Variants in REV1 observed in about 807,000 individuals in gnomAD.
The protein encoded by REV1 is REV1 DNA directed polymerase, also known as translesion synthesis protein REV1.
REV1 carries 42 observed loss-of-function variants against 137.4 expected under a neutral mutation model. That is an observed-to-expected ratio of 0.31 (90% CI 0.24 to 0.40). The LOEUF is 0.40. Ranked by LOEUF, REV1 falls within the 10% of genes least tolerant of loss-of-function variation. The pLI is 1.00. For missense variants in REV1, 1,282 were observed against 1,490.1 expected (o/e 0.86, Z 2.30); for synonymous variants, 524 against 519.2 (o/e 1.01, Z -0.12).
chr2:99,462,365 G>A, intron 3 of REV1, 131 bp downstream of exon 3: 2 of 856,514 alleles, frequency 2.3e-6, no homozygotes, highest in Non-Finnish European at 3.5e-6. Context: ...TATCTAAGCA[G>A]ATGATTTATT....
At chr2:99,467,189 A>G (rs981439913) in intron 1 of REV1, among the ~76,000 whole-genome samples, 1 of 152,216 alleles carries the variant, frequency 6.6e-6, no homozygotes, top group African/African-American at 2.4e-5. Flanking sequence ...CACAAGGCCA[A>G]TAAGAAAATT....
intron 1 of REV1, among the ~76,000 whole-genome samples, chr2:99,484,434 T>C (rs1248719108): frequency 2.6e-5 from 4 of 152,170 alleles, no homozygotes; most frequent in African/African-American, 9.7e-5. Context: ...CTAGTAACTT[T>C]TACTAAATAT....
chr2:99,408,009 C>A lies in REV1; in HGVS notation c.2448+20G>T, dbSNP rs779794147. 3 of 1,414,360 alleles carry A rather than the reference C, an allele frequency of 2.1e-6. No homozygotes were observed. The highest frequency in any genetic ancestry group is 1.8e-4 in the Middle Eastern group (1 of 5,538). 87.6% of individuals were successfully genotyped at this position (1,414,360 alleles called of 1,614,324 possible). On this transcript the variant is annotated intron_variant, in intron 15 of 22. Coordinates refer to ENST00000258428, the MANE Select transcript of REV1 (RefSeq NM_016316.4). ...ATACATTACACAAAGTCAGAATTTA[C>A]AATGTTACTATATACTTACCCCTCT...
chr2:99,413,045 G>C, intron 12 of REV1, 94 bp from the exon 13 acceptor site: 1 of 878,770 alleles, frequency 1.1e-6, no homozygotes, highest in Non-Finnish European at 1.8e-6. Flanking sequence ...AAAACAACTA[G>C]TTTAAAATAA....
At chr2:99,470,591 A>G (rs1685306723) in intron 1 of REV1, among the ~76,000 whole-genome samples, 1 of 152,148 alleles carries the variant, frequency 6.6e-6, no homozygotes, top group African/African-American at 2.4e-5. Flanking sequence ...GTTAGGTCAT[A>G]GCCTGTTCCT....
At chr2:99,429,750 TC>T in intron 9 of REV1, 89 bp downstream of exon 9, 1 of 808,996 alleles carries the variant, frequency 1.2e-6, no homozygotes. Flanking sequence ...AACATTTAAA[TC>T]CACTTCAAAA....
chr2:99,437,334 T>C (rs979996501), intron 6 of REV1, among the ~76,000 whole-genome samples: 2 of 152,014 alleles, frequency 1.3e-5, no homozygotes, highest in Non-Finnish European at 2.9e-5. Flanking sequence ...TCATGGACTA[T>C]CTATCACTTC....
At position 99,402,947 on chromosome 2, in the gene REV1, G is replaced by C; in HGVS notation, c.3326C>G (p.Pro1109Arg). 2 of 1,614,148 alleles carry C rather than the reference G, an allele frequency of 1.2e-6. No individual in the cohort carries two copies. The highest frequency in any genetic ancestry group is 1.7e-6 in the Non-Finnish European group (2 of 1,180,022). The change falls in exon 20 of 23, where the codon CCC (proline) becomes CGC (arginine). Residue 1109 changes from proline (P) to arginine (R), a missense_variant. By Grantham distance (103) the Pro-to-Arg change is moderately radical. Coordinates refer to ENST00000258428, the MANE Select transcript of REV1 (RefSeq NM_016316.4). ...AKTLPGACGS[P>R]QKLIDGFLKH... ...TAGAAACCCATCAATTAACTTCTGG[G>C]GACTGCCACAGGCCCCTGGCAGAGT...
intron 3 of REV1, among the ~76,000 whole-genome samples, chr2:99,450,171 T>C (rs1682758678): frequency 1.3e-5 from 2 of 152,168 alleles, no homozygotes; most frequent in African/African-American, 4.8e-5. Context: ...TTTTTCAATT[T>C]TGTTTCAAAT....
At position 99,402,240 on chromosome 2, in the gene REV1, C is replaced by G; in HGVS notation, c.3644+4G>C. On this transcript the variant is annotated splice_donor_region_variant and intron_variant, in intron 22 of 22. Coordinates refer to ENST00000258428, the MANE Select transcript of REV1 (RefSeq NM_016316.4). ...CCCATTTGATAAAAGTGATGAATTACTACCTTTTCATGTATTTTATAACTA... is the reference window on the plus strand; with the variant it reads ...CCCATTTGATAAAAGTGATGAATTAGTACCTTTTCATGTATTTTATAACTA... The G allele has an allele frequency of 8.5e-7, 1 of 1,171,072 alleles. No homozygotes were observed. The highest frequency in any genetic ancestry group is 1.2e-6 in the Non-Finnish European group (1 of 805,034). The allele number at this position is 1,171,072 out of a possible 1,614,324, so 72.5% of individuals were successfully genotyped here.
At chr2:99,423,702 C>G (rs1678978282) in intron 10 of REV1, among the ~76,000 whole-genome samples, 1 of 152,168 alleles carries the variant, frequency 6.6e-6, no homozygotes, top group South Asian at 2.1e-4. Flanking sequence ...TGAAAACTAA[C>G]TTTTGGCATA....
chr2:99,484,260 A>C (rs559978354), intron 1 of REV1, among the ~76,000 whole-genome samples: 1 of 152,348 alleles, frequency 6.6e-6, no homozygotes, highest in Admixed American at 6.5e-5. Context: ...GAGCAGAAAA[A>C]GTAACTATTG....
chr2:99,409,091 A>C (rs1676737158), intron 14 of REV1, among the ~76,000 whole-genome samples: 1 of 152,228 alleles, frequency 6.6e-6, no homozygotes, highest in South Asian at 2.1e-4. Context: ...CCTGGGCAAC[A>C]GAGCGAGATC....
At chr2:99,442,610 T>C (rs1681663170) in intron 4 of REV1, 141 bp from the exon 5 acceptor site, 1 of 750,662 alleles carries the variant, frequency 1.3e-6, no homozygotes, top group African/African-American at 1.8e-5. Flanking sequence ...TCTTGCTCGG[T>C]TTTAGTGGTC....
At chr2:99,438,501 T>C (rs1444749592) in intron 6 of REV1, 100 bp downstream of exon 6, 2 of 825,528 alleles carry the variant, frequency 2.4e-6, no homozygotes, top group Non-Finnish European at 3.9e-6. Flanking sequence ...TAGAGACTTT[T>C]ATGAGAACTT....
In REV1 at chr2:99,421,650, G is replaced by A. The variant is rs750654219; in HGVS notation, c.1680C>T (p.Tyr560=). The part of the protein sequence containing the change: ...AQTLYETLAS[Y]THNIEAVSCD... ...AACTGACAGCTTCAATGTTATGAGTGTAGCTATCAACACAGAGCAAAGGCA... is the reference window on the plus strand; with the variant it reads ...AACTGACAGCTTCAATGTTATGAGTATAGCTATCAACACAGAGCAAAGGCA... Residue 560 remains tyrosine (Y), a synonymous_variant, in exon 11 of 23, where the codon TAC becomes TAT. Transcript: ENST00000258428. The A allele has an allele frequency of 1.9e-6, 3 of 1,613,420 alleles. No homozygotes were observed. Among genetic ancestry groups the A allele is most frequent in the African/African-American group, 2.7e-5 (2 of 74,898 alleles).
Position 99,438,933 on chromosome 2 carries a change from C to T in REV1, c.881G>A (p.Arg294Lys). 6.2e-7 allele frequency: 1 copy of T among 1,614,188 alleles called. No homozygotes were observed. Among genetic ancestry groups the T allele is most frequent in the Non-Finnish European group, 8.5e-7 (1 of 1,180,028 alleles). The change falls in exon 6 of 23, where the codon AGA becomes AAA. Residue 294 changes from arginine to lysine, a missense_variant. This residue lies in a region of REV1 where 432 missense variants were observed against 438.0 expected (regional missense o/e 0.99). Coordinates refer to ENST00000258428, the MANE Select transcript of REV1 (RefSeq NM_016316.4). ...RNTDALRNPH[R>K]TNSFSLSPLH... ...AGGTGATAATGAGAAAGAATTAGTT[C>T]TGTGTGGATTCCGCAAAGCATCTGT...
intron 8 of REV1, chr2:99,432,043 T>G (rs1299257633): frequency 2.7e-6 from 1 of 372,904 alleles, no homozygotes; most frequent in African/African-American, 2.2e-5. Flanking sequence ...ATAGAAAACA[T>G]CTGTATCCTG....
In REV1 at chr2:99,430,065, A is replaced by G. The variant is rs1679922152; in HGVS notation, c.1439-117T>C. ...AAAATGTTCAGTAAATTCCAAATAC[A>G]GTTATCTCTATTGGTATTATCTCCT... On this transcript the variant is annotated intron_variant, in intron 8 of 22. Transcript: ENST00000258428. 5.3e-6 allele frequency: 3 copies of G among 566,548 alleles called. No homozygotes were observed. In the South Asian group the frequency reaches 9.3e-5, roughly 18 times the overall value. 35.1% of individuals were successfully genotyped at this position (566,548 alleles called of 1,614,324 possible).
Sources: allele counts gnomAD v4.1 joint callset (sites outside exome capture counted in the v4.1 genomes callset), GRCh38; gene constraint gnomAD v4.1.1; regional missense constraint gnomAD v4.1.1; transcripts MANE v1.5; gene names NCBI Gene and HGNC (gene_info 2026-07-23, HGNC 2026-07-21).